Variants in PNPO observed in about 807,000 individuals in gnomAD.
The protein encoded by PNPO is pyridoxamine 5'-phosphate oxidase.
In PNPO, 39 loss-of-function variants were observed where a neutral mutation model predicts 35.0. The observed-to-expected ratio is 1.11, with a 90% confidence interval of 0.86 to 1.45. The LOEUF (loss-of-function observed/expected upper bound fraction) is 1.45. Among genes scored for constraint, PNPO ranks in the 40% most tolerant of loss-of-function variants. The pLI is 0.00. For missense variants in PNPO, 288 were observed against 340.0 expected (o/e 0.85, Z 1.20); for synonymous variants, 115 against 119.8 (o/e 0.96, Z 0.26).
chr17:47,945,345 T>C lies in PNPO; in HGVS notation c.364-214T>C. The C allele has an allele frequency of 1.7e-6, 1 of 576,534 alleles. No homozygotes were observed. The highest frequency in any genetic ancestry group is 1.9e-5 in the South Asian group (1 of 52,462). The allele number at this position is 576,534 out of a possible 1,614,324, so 35.7% of individuals were successfully genotyped here. A position where few individuals can be genotyped will look rare whatever the true frequency, so the allele number is the denominator to read the frequency against. On this transcript the variant is annotated intron_variant, in intron 3 of 6. Coordinates refer to ENST00000642017, the MANE Select transcript of PNPO (RefSeq NM_018129.4). The surrounding 1 kb of genome is among the most constrained non-coding windows in gnomAD (Gnocchi z 4.0). ...CTTTGGAGTCCGACTGGCTTAAACT[T>C]AGCTCCACCACTTCCTGCAGGAACT...
chr17:47,945,727 C>A lies in PNPO; in HGVS notation c.417+115C>A, dbSNP rs1388163201. 1.4e-6 allele frequency: 2 copies of A among 1,447,978 alleles called. No individual in the cohort carries two copies. The highest frequency in any genetic ancestry group is 1.9e-6 in the Non-Finnish European group (2 of 1,032,686). 89.7% of individuals were successfully genotyped at this position (1,447,978 alleles called of 1,614,324 possible). ...GCAAACATCCCAGCTGGGCACTCTGCCTCTAAAATAGCCCTCAGTTAGTTG... is the reference window on the plus strand; with the variant it reads ...GCAAACATCCCAGCTGGGCACTCTGACTCTAAAATAGCCCTCAGTTAGTTG... On this transcript the variant is annotated intron_variant, in intron 4 of 6. Transcript: ENST00000642017. This position sits in a 1 kb window ranked among gnomAD's most constrained non-coding sequence, Gnocchi z 4.0.
intron 1 of PNPO, 108 bp downstream of exon 1, chr17:47,941,921 C>G: frequency 7.2e-7 from 1 of 1,393,602 alleles, no homozygotes; most frequent in Non-Finnish European, 9.4e-7. Flanking sequence ...CTTCTGGGGC[C>G]ACCCGGTGGG....
Position 47,945,413 on chromosome 17 carries a change from C to A in PNPO, c.364-146C>A. On this transcript the variant is annotated intron_variant, in intron 3 of 6. Transcript: ENST00000642017. This position sits in a 1 kb window ranked among gnomAD's most constrained non-coding sequence, Gnocchi z 4.0. ...CTGTCTCTGTGTCTGTGACAATAGG[C>A]CTACTTTTGAGGGTTTAAATGAGCT... 2.7e-6 allele frequency: 2 copies of A among 740,726 alleles called. No individual in the cohort carries two copies. The highest frequency in any genetic ancestry group is 4.9e-6 in the Non-Finnish European group (2 of 404,358). 45.9% of individuals were successfully genotyped at this position (740,726 alleles called of 1,614,324 possible).
In PNPO at chr17:47,948,865, A is replaced by G. The variant is rs993050123; in HGVS notation, c.*2083A>G. 11 of 152,260 alleles carry G rather than the reference A, an allele frequency of 7.2e-5. No individual in the cohort carries two copies. The highest frequency in any genetic ancestry group is 2.4e-4 in the African/African-American group (10 of 41,464). The allele number at this position is 152,260 out of a possible 1,614,324, so 9.4% of individuals were successfully genotyped here. ...CCAGGCTGGGTAAATGTTTGCTGTG[A>G]CTAAGCCAGGATCAAAGAACTGCCT... is the stretch of plus-strand genomic sequence containing the variant. On this transcript the variant is annotated 3_prime_UTR_variant, in exon 7 of 7. Coordinates refer to ENST00000642017, the MANE Select transcript of PNPO (RefSeq NM_018129.4).
Position 47,948,641 on chromosome 17 carries a change from C to G in PNPO, c.*1859C>G, listed in dbSNP as rs1037651786. 1 of 152,310 alleles carries G rather than the reference C, an allele frequency of 6.6e-6. No individual in the cohort carries two copies. Among genetic ancestry groups the G allele is most frequent in the Non-Finnish European group, 1.5e-5 (1 of 68,134 alleles). The allele number at this position is 152,310 out of a possible 1,614,324, so 9.4% of individuals were successfully genotyped here. Reference sequence around the variant, plus strand: ...GACCCCAGACCCACTGAATCTGACCCTGCATTTTCACTAGACCCCAGGTGA... The same window carrying G: ...GACCCCAGACCCACTGAATCTGACCGTGCATTTTCACTAGACCCCAGGTGA... On this transcript the variant is annotated 3_prime_UTR_variant, in exon 7 of 7. Coordinates refer to ENST00000642017, the MANE Select transcript of PNPO (RefSeq NM_018129.4).
At chr17:47,943,541 C>G in intron 2 of PNPO, 111 bp downstream of exon 2, 2 of 1,350,916 alleles carry the variant, frequency 1.5e-6, no homozygotes, top group Non-Finnish European at 1.0e-6. Context: ...TATTAACATG[C>G]TCTGTGGCTT....
intron 3 of PNPO, 121 bp downstream of exon 3, chr17:47,944,836 T>A: frequency 1.2e-6 from 1 of 809,342 alleles, no homozygotes. Context: ...GCAGGTGCCC[T>A]CCTGCCATGA....
intron 2 of PNPO, among the ~76,000 whole-genome samples, chr17:47,944,096 G>A (rs2035977931): frequency 6.6e-6 from 1 of 152,174 alleles, no homozygotes; most frequent in African/African-American, 2.4e-5. Flanking sequence ...TAGTTCTGGT[G>A]GCTGGAAGTC....
In PNPO at chr17:47,949,272, C is replaced by T. The variant is rs556101569; in HGVS notation, c.*2490C>T. On this transcript the variant is annotated 3_prime_UTR_variant, in exon 7 of 7. Transcript: ENST00000642017. ...GTTCTCTGTCCAGCCGTTACCGCCC[C>T]CAGTCTGTAATAAAAGCCTATCAGC... 7.2e-5 allele frequency: 11 copies of T among 152,428 alleles called. No individual in the cohort carries two copies. The East Asian group carries it at 2.1e-3, about 29-fold the overall frequency. 9.4% of individuals were successfully genotyped at this position (152,428 alleles called of 1,614,324 possible). A position where few individuals can be genotyped will look rare whatever the true frequency, so the allele number is the denominator to read the frequency against.
rs1218977673 is a variant in PNPO, at chr17:47,941,723, C to T, written c.48C>T (p.Ala16=). 1.3e-6 allele frequency: 2 copies of T among 1,546,320 alleles called. No homozygotes were observed. Among genetic ancestry groups the T allele is most frequent in the South Asian group, 1.2e-5 (1 of 84,030 alleles). Reference sequence around the variant, plus strand: ...TCACGGCGACGTTCGGGCGACCTGCCGAGTGGCCAGGCTACCTCAGTCACC... The same window carrying T: ...TCACGGCGACGTTCGGGCGACCTGCTGAGTGGCCAGGCTACCTCAGTCACC... ...RGVTATFGRP[A]EWPGYLSHLC... The change falls in exon 1 of 7, where the codon GCC becomes GCT. Residue 16 remains alanine (A), a synonymous_variant. Coordinates refer to ENST00000642017, the MANE Select transcript of PNPO (RefSeq NM_018129.4).
rs766311956 is a variant in PNPO at position 47,945,594 on chromosome 17, G to A, written c.399G>A (p.Trp133Ter). Residue 133 changes from tryptophan to a stop codon, truncating the protein, a stop_gained, in exon 4 of 7, where the codon TGG (tryptophan) becomes TGA (stop). Coordinates refer to ENST00000642017, the MANE Select transcript of PNPO (RefSeq NM_018129.4). LOFTEE classifies it high-confidence loss of function. This position sits in a 1 kb window ranked among gnomAD's most constrained non-coding sequence, Gnocchi z 4.0. The part of the protein sequence containing the change: ...SNPFASLVFY[W>*]EPLNRQVRVE... ...CCTTTGCTTCCCTTGTCTTCTACTG[G>A]GAGCCACTTAACCGTCAGGTGAGTG... is the stretch of plus-strand genomic sequence containing the variant. 1.7e-5 allele frequency: 27 copies of A among 1,613,458 alleles called. No individual in the cohort carries two copies. Among genetic ancestry groups the A allele is most frequent in the Non-Finnish European group, 2.3e-5 (27 of 1,179,400 alleles).
intron 2 of PNPO, 80 bp from the exon 3 acceptor site, chr17:47,944,536 G>A (rs997606447): frequency 1.0e-5 from 11 of 1,104,630 alleles, no homozygotes; most frequent in African/African-American, 3.1e-5. Flanking sequence ...AGGGGGTGCT[G>A]AGACATCCTT....
At chr17:47,941,992 G>A in intron 1 of PNPO, 179 bp downstream of exon 1, 13 of 1,338,306 alleles carry the variant, frequency 9.7e-6, no homozygotes, top group Non-Finnish European at 1.2e-5. Flanking sequence ...ATCCCACCAG[G>A]GGAGGAGTTC....
rs779757740 is a variant in PNPO, at chr17:47,944,626, C to A, written c.274C>A (p.Pro92Thr). Residue 92 changes from proline (P) to threonine (T), a missense_variant, in exon 3 of 7, where the codon CCC becomes ACC. By Grantham distance (38) the Pro-to-Thr change is conservative. Transcript: ENST00000642017. ...CLATCTRDGKPSARMLLLKGF... is the reference protein window; with the variant it reads ...CLATCTRDGKTSARMLLLKGF... ...GCTCTTTGCTCCTAGAGATGGAAAA[C>A]CCTCTGCTCGCATGTTGCTGCTGAA... 6.2e-7 allele frequency: 1 copy of A among 1,613,752 alleles called. No individual in the cohort carries two copies. The highest frequency in any genetic ancestry group is 8.5e-7 in the Non-Finnish European group (1 of 1,179,730).
intron 2 of PNPO, 126 bp from the exon 3 acceptor site, chr17:47,944,490 G>T: frequency 1.2e-6 from 1 of 801,066 alleles, no homozygotes; most frequent in Non-Finnish European, 2.2e-6. Context: ...CATGGGACGG[G>T]GTAGCCTGAC....
rs572223984 is a variant in PNPO at position 47,943,818 on chromosome 17, C to T, written c.263+388C>T. Reference sequence around the variant, plus strand: ...TATCATTCCTTTGACAATCATATGCCCTTTGAGACATCACTTGTATTAGCC... The same window carrying T: ...TATCATTCCTTTGACAATCATATGCTCTTTGAGACATCACTTGTATTAGCC... On this transcript the variant is annotated intron_variant, in intron 2 of 6. Coordinates refer to ENST00000642017, the MANE Select transcript of PNPO (RefSeq NM_018129.4). Among the ~76,000 whole-genome samples, 6 of 152,304 alleles carry T rather than the reference C, an allele frequency of 3.9e-5. No homozygotes were observed. The South Asian group carries it at 8.3e-4, about 21-fold the overall frequency.
chr17:47,944,199 T>TTG (rs1171597415), intron 2 of PNPO, among the ~76,000 whole-genome samples: 1 of 93,336 alleles, frequency 1.1e-5, no homozygotes, highest in East Asian at 4.3e-4. Flanking sequence ...ACACTGCCTT[T>TTG]CGTGTGTGTG....
Position 47,941,589 on chromosome 17 carries a change from G to A in PNPO, c.-87G>A. 1 of 1,430,900 alleles carries A rather than the reference G, an allele frequency of 7.0e-7. No homozygotes were observed. 88.6% of individuals were successfully genotyped at this position (1,430,900 alleles called of 1,614,324 possible). On this transcript the variant is annotated 5_prime_UTR_variant, in exon 1 of 7. Coordinates refer to ENST00000642017, the MANE Select transcript of PNPO (RefSeq NM_018129.4). ...GACTGGCAAATCCTTCCTTCCCCGG[G>A]GTAGAAGTCCAGGGTGAGAAATTGG...
rs545322582 is a variant in PNPO at position 47,941,597 on chromosome 17, T to A, written c.-79T>A. ...AATCCTTCCTTCCCCGGGGTAGAAG[T>A]CCAGGGTGAGAAATTGGTTCCGAAC... On this transcript the variant is annotated 5_prime_UTR_variant, in exon 1 of 7. Coordinates refer to ENST00000642017, the MANE Select transcript of PNPO (RefSeq NM_018129.4). The A allele has an allele frequency of 6.2e-6, 9 of 1,448,654 alleles. No homozygotes were observed. The highest frequency in any genetic ancestry group is 5.7e-5 in the African/African-American group (4 of 70,764). The allele number at this position is 1,448,654 out of a possible 1,614,324, so 89.7% of individuals were successfully genotyped here. A position where few individuals can be genotyped will look rare whatever the true frequency, so the allele number is the denominator to read the frequency against.
Sources: allele counts gnomAD v4.1 joint callset (sites outside exome capture counted in the v4.1 genomes callset), GRCh38; gene constraint gnomAD v4.1.1; non-coding constraint Gnocchi (gnomAD v3.1); transcripts MANE v1.5; gene names NCBI Gene and HGNC (gene_info 2026-07-23, HGNC 2026-07-21).